Variants in EML5 observed in about 807,000 individuals in gnomAD.
EML5 encodes the protein echinoderm microtubule-associated protein-like 5.
Under a neutral mutation model 250.0 loss-of-function variants are expected in EML5, and 120 were observed. The ratio of observed to expected loss-of-function variants is 0.48; its 90% CI spans 0.41 to 0.56. The LOEUF (loss-of-function observed/expected upper bound fraction) is 0.56, where lower values mean the gene tolerates loss of function less well. Ranked by LOEUF, EML5 falls within the 20% of genes least tolerant of loss-of-function variation. The pLI, the probability that EML5 is intolerant of heterozygous loss-of-function variation, is 0.00. For synonymous variants in EML5, 771 were observed against 806.5 expected (o/e 0.96, Z 0.75); for missense variants, 2,006 against 2,437.6 (o/e 0.82, Z 3.73).
Position 88,710,295 on chromosome 14 carries a change from T to C in EML5, c.1657+1976A>G, listed in dbSNP as rs536271469. On this transcript the variant is annotated intron_variant, in intron 10 of 43. Transcript: ENST00000554922. ...TCATATGATCATTCTCTCTTTGAGC[T>C]AACTTCGTATATTTTTTGTTTCAAT... 1.5e-4 allele frequency among the ~76,000 whole-genome samples: 23 copies of C among 152,342 alleles called. No individual in the cohort carries two copies. The South Asian group carries it at 4.8e-3, about 32-fold the overall frequency.
Position 88,632,746 on chromosome 14 carries a change from G to A in EML5, c.4357+1723C>T, listed in dbSNP as rs79636250. On this transcript the variant is annotated intron_variant, in intron 33 of 43. Transcript: ENST00000554922. ...CAAAGCTCTTTTGTCCACCTGGGGC[G>A]CTGAACACTTGCTTTCTTCAGGGCG... 6.5e-4 allele frequency among the ~76,000 whole-genome samples: 99 copies of A among 152,294 alleles called. 1 individual carries two copies. In the East Asian group the frequency reaches 0.018, roughly 27 times the overall value.
chr14:88,669,768 G>A (rs969780458), intron 21 of EML5, among the ~76,000 whole-genome samples: 3 of 152,166 alleles, frequency 2.0e-5, no homozygotes, highest in African/African-American at 7.2e-5. Context: ...GTGGGTCCTG[G>A]ATCCTGTACC....
intron 27 of EML5, among the ~76,000 whole-genome samples, chr14:88,654,725 G>A (rs1007013456): frequency 1.3e-5 from 2 of 152,176 alleles, no homozygotes; most frequent in Non-Finnish European, 2.9e-5. Context: ...TAGAATAAAT[G>A]TGATGTGGTG....
chr14:88,676,458 GC>G (rs1269385300), intron 21 of EML5, among the ~76,000 whole-genome samples: 1 of 152,100 alleles, frequency 6.6e-6, no homozygotes, highest in African/African-American at 2.4e-5. Flanking sequence ...GGAAAGACCT[GC>G]CCCCATGATT....
At chr14:88,662,824 G>A (rs534460176) in intron 24 of EML5, among the ~76,000 whole-genome samples, 3 of 152,050 alleles carry the variant, frequency 2.0e-5, no homozygotes, top group East Asian at 3.9e-4. Flanking sequence ...GATTACAGGC[G>A]TGAGCCACCA....
chr14:88,773,711 A>C (rs1595855893), intron 1 of EML5, among the ~76,000 whole-genome samples: 1 of 152,184 alleles, frequency 6.6e-6, no homozygotes, highest in African/African-American at 2.4e-5. Context: ...TGGTGGTTTT[A>C]TTTTGTTTGT....
At chr14:88,618,056 A>G in intron 41 of EML5, 172 bp downstream of exon 41, 1 of 437,982 alleles carries the variant, frequency 2.3e-6, no homozygotes, top group Non-Finnish European at 4.0e-6. Context: ...AAACATGGAA[A>G]TATATTCAAT....
chr14:88,634,592 G>T, intron 32 of EML5, 103 bp from the exon 33 acceptor site: 1 of 606,014 alleles, frequency 1.7e-6, no homozygotes, highest in Non-Finnish European at 2.6e-6. Context: ...TACAAAATTG[G>T]TTTTATTACA....
intron 43 of EML5, 124 bp downstream of exon 43, chr14:88,616,018 G>T: frequency 7.8e-7 from 1 of 1,285,346 alleles, no homozygotes; most frequent in Non-Finnish European, 1.1e-6. Context: ...AGAGCCATCT[G>T]GTTATACTAC....
intron 7 of EML5, among the ~76,000 whole-genome samples, chr14:88,727,052 T>TGTA (rs2093677092): frequency 6.6e-6 from 1 of 152,094 alleles, no homozygotes; most frequent in East Asian, 1.9e-4. Flanking sequence ...TTGTTGTTGT[T>TGTA]GTTGTTGTTG....
chr14:88,677,040 G>A (rs913981259), intron 21 of EML5, among the ~76,000 whole-genome samples: 6 of 152,112 alleles, frequency 3.9e-5, no homozygotes, highest in African/African-American at 1.4e-4. Flanking sequence ...AAGTAGCTAG[G>A]ACTACAGGCA....
intron 27 of EML5, among the ~76,000 whole-genome samples, chr14:88,650,791 A>T (rs2091582900): frequency 6.6e-6 from 1 of 152,044 alleles, no homozygotes; most frequent in South Asian, 2.1e-4. Context: ...ACAGGCATGT[A>T]CTACCATTCT....
rs1445121271 is a variant in EML5 at position 88,627,830 on chromosome 14, A to G, written c.4358-11T>C. On this transcript the variant is annotated splice_polypyrimidine_tract_variant and intron_variant, in intron 33 of 43. Coordinates refer to ENST00000554922, the MANE Select transcript of EML5 (RefSeq NM_183387.3). The stretch of plus-strand genomic sequence containing the variant: ...TAGAAGGAGCTGTAGCTAAATAAAG[A>G]TAGTATCAAAAAGTTGTAATCTACC... 2 of 1,563,848 alleles carry G rather than the reference A, an allele frequency of 1.3e-6. No individual in the cohort carries two copies. Among genetic ancestry groups the G allele is most frequent in the Non-Finnish European group, 1.7e-6 (2 of 1,157,536 alleles).
intron 29 of EML5, 113 bp downstream of exon 29, chr14:88,646,834 A>G: frequency 9.0e-7 from 1 of 1,117,108 alleles, no homozygotes; most frequent in Non-Finnish European, 1.2e-6. Context: ...AAAATGTGCA[A>G]AACTGTGAAG....
intron 6 of EML5, among the ~76,000 whole-genome samples, chr14:88,736,770 T>C (rs1771788458): frequency 6.6e-6 from 1 of 152,180 alleles, no homozygotes; most frequent in African/African-American, 2.4e-5. Context: ...TGGTGCACTT[T>C]CCTCTGATTG....
rs536171045 is a variant in EML5 at position 88,724,188 on chromosome 14, T to C, written c.1187+2353A>G. On this transcript the variant is annotated intron_variant, in intron 8 of 43. Transcript: ENST00000554922. ...TACTCAGGAGGCTGAGGCAGGAGAA[T>C]CGCTTGAACCTGGGAGGCGGAGGCT... Among the ~76,000 whole-genome samples the C allele has an allele frequency of 4.0e-5, 6 of 148,842 alleles. No individual in the cohort carries two copies. In the South Asian group the frequency reaches 1.3e-3, roughly 32 times the overall value.
Position 88,618,227 on chromosome 14 carries a change from C to T in EML5, c.5642+1G>A, listed in dbSNP as rs2088081710. 1.2e-6 allele frequency: 2 copies of T among 1,613,152 alleles called. No individual in the cohort carries two copies. Among genetic ancestry groups the T allele is most frequent in the Non-Finnish European group, 1.7e-6 (2 of 1,179,468 alleles). On this transcript the variant is annotated splice_donor_variant, in intron 41 of 43. Transcript: ENST00000554922. LOFTEE classifies it high-confidence loss of function. ...TGCCTTGTGAATATATAAGTATTTA[C>T]CTAGTCCATGTAGCCCAAGTAATTC...
intron 27 of EML5, among the ~76,000 whole-genome samples, chr14:88,650,831 G>A (rs1487761741): frequency 6.6e-6 from 1 of 152,036 alleles, no homozygotes; most frequent in Non-Finnish European, 1.5e-5. Flanking sequence ...TTGTAGAAAT[G>A]GGGTCTTGCT....
At chr14:88,775,211 C>T (rs2094435318) in intron 1 of EML5, among the ~76,000 whole-genome samples, 3 of 152,214 alleles carry the variant, frequency 2.0e-5, no homozygotes, top group African/African-American at 7.2e-5. Context: ...TGGGGCGAAA[C>T]TCCTTTTGCT....
Sources: allele counts gnomAD v4.1 joint callset (sites outside exome capture counted in the v4.1 genomes callset), GRCh38; gene constraint gnomAD v4.1.1; transcripts MANE v1.5; gene names NCBI Gene and HGNC (gene_info 2026-07-23, HGNC 2026-07-21).